The following DNASE1 variants were observed in gnomAD, a reference collection of about 807,000 sequenced individuals.
DNASE1 encodes the protein deoxyribonuclease-1.
In DNASE1, 40 loss-of-function variants were observed where a neutral mutation model predicts 33.9. The observed-to-expected ratio is 1.18, with a 90% CI of 0.92 to 1.54. DNASE1 has a LOEUF of 1.54. Among genes scored for constraint, DNASE1 ranks in the 40% most tolerant of loss-of-function variants. The probability of loss-of-function intolerance (pLI) is 0.00; values close to 1 mark genes in which losing one functional copy is unlikely to be tolerated. For missense variants in DNASE1, 518 were observed against 372.6 expected, an observed-to-expected ratio of 1.39 and a Z score of -3.21; for synonymous variants, 216 against 160.0, an observed-to-expected ratio of 1.35 and a Z score of -2.64.
intron 1 of DNASE1, among the ~76,000 whole-genome samples, chr16:3,630,718 C>A (rs561174056): frequency 2.0e-5 from 3 of 151,648 alleles, no homozygotes; most frequent in Non-Finnish European, 4.4e-5. Flanking sequence ...CTAGTTGTGT[C>A]TTTGGATCTA....
chr16:3,658,622 A>G (rs2042866414), downstream of DNASE1: 1 of 651,902 alleles, frequency 1.5e-6, no homozygotes. Context: ...GTAGTGAGCC[A>G]AGATCGCGCC....
chr16:3,657,861 A>C, intron 8 of DNASE1, 45 bp downstream of exon 8: 1 of 1,613,946 alleles, frequency 6.2e-7, no homozygotes, highest in East Asian at 2.2e-5. Context: ...GGGACACAGG[A>C]GCTCAGGTAG....
chr16:3,658,726 C>A, downstream of DNASE1: 1 of 1,475,996 alleles, frequency 6.8e-7, no homozygotes, highest in Non-Finnish European at 9.4e-7. Flanking sequence ...CGCTGTTCCA[C>A]CCTGAAGGCA....
chr16:3,617,864 C>G (rs2041165443), intron 1 of DNASE1, among the ~76,000 whole-genome samples: 1 of 151,308 alleles, frequency 6.6e-6, no homozygotes. Context: ...GGGCCTTCAC[C>G]AGACAGAGTC....
At chr16:3,658,399 C>T (rs1365560635), downstream of DNASE1, 5 of 635,660 alleles carry the variant, frequency 7.9e-6, no homozygotes, top group East Asian at 2.8e-5. Context: ...GGATTACAGG[C>T]GTGAGCCACC....
downstream of DNASE1, chr16:3,659,033 G>A: frequency 1.5e-6 from 1 of 662,698 alleles, no homozygotes; most frequent in Non-Finnish European, 2.5e-6. Flanking sequence ...TATATACCCA[G>A]AAAACCCAAG....
intron 1 of DNASE1, among the ~76,000 whole-genome samples, chr16:3,621,178 T>G (rs914582348): frequency 6.6e-6 from 1 of 152,080 alleles, no homozygotes; most frequent in East Asian, 1.9e-4. Flanking sequence ...CTCGAACTCT[T>G]GGGCTCAGAC....
rs1043499863 is a variant in DNASE1, at chr16:3,633,539, T to C, written c.-1358-7176T>C. Among the ~76,000 whole-genome samples, 3 of 147,390 alleles carry C rather than the reference T, an allele frequency of 2.0e-5. No individual in the cohort carries two copies. In the East Asian group the frequency reaches 6.0e-4, roughly 30 times the overall value. ...AGGAGAATGGCTTGAACCCGAGAGG[T>C]GGAGGTTGCAGTGAGCCGAGATGGC... is the stretch of plus-strand genomic sequence containing the variant. On this transcript the variant is annotated intron_variant and NMD_transcript_variant, in intron 1 of 11. Transcript: ENST00000570769.
chr16:3,649,385 G>A (rs1409257507), intron 1 of DNASE1, among the ~76,000 whole-genome samples: 2 of 152,194 alleles, frequency 1.3e-5, no homozygotes, highest in Non-Finnish European at 2.9e-5. Flanking sequence ...AACAAGTTGA[G>A]TTCCTAGCAT....
chr16:3,657,641 CTTAGT>C (rs2042770586), intron 7 of DNASE1, 74 bp from the exon 8 acceptor site: 9 of 1,578,630 alleles, frequency 5.7e-6, no homozygotes, highest in African/African-American at 1.4e-5. Context: ...TCCCAGGGCT[CTTAGT>C]TTAGTTCCTG....
intron 7 of DNASE1, 96 bp downstream of exon 7, chr16:3,657,437 A>G (rs1014494640): frequency 2.0e-6 from 3 of 1,487,044 alleles, no homozygotes; most frequent in Non-Finnish European, 2.7e-6. Context: ...GCCTTTGAAC[A>G]CTCACCCAAC....
chr16:3,662,569 T>TA, downstream of DNASE1: 1 of 589,630 alleles, frequency 1.7e-6, no homozygotes, highest in South Asian at 1.6e-5. Flanking sequence ...TCCTGAGGGC[T>TA]GGGGTAGCAT....
Position 3,656,658 on chromosome 16 carries a change from T to G in DNASE1, c.341T>G (p.Val114Gly). Reference sequence around the variant, plus strand: ...CGCAGGCCTGACCAGGTGTCTGCGGTGGACAGCTACTACTACGATGATGGC... The same window carrying G: ...CGCAGGCCTGACCAGGTGTCTGCGGGGGACAGCTACTACTACGATGATGGC... Reference protein sequence around the residue: ...FVYRPDQVSAVDSYYYDDGCE... With the variant: ...FVYRPDQVSAGDSYYYDDGCE... Residue 114 changes from valine (V) to glycine (G), a missense_variant, in exon 5 of 9, where the codon GTG (valine) becomes GGG (glycine). Transcript: ENST00000246949. The G allele has an allele frequency of 6.2e-7, 1 of 1,612,592 alleles. No individual in the cohort carries two copies. The highest frequency in any genetic ancestry group is 8.5e-7 in the Non-Finnish European group (1 of 1,179,378).
At chr16:3,627,005 G>A (rs1457846517) in intron 1 of DNASE1, among the ~76,000 whole-genome samples, 1 of 151,774 alleles carries the variant, frequency 6.6e-6, no homozygotes, top group Non-Finnish European at 1.5e-5. Context: ...CTGAGGAGCT[G>A]GGACCACAGG....
In DNASE1 at chr16:3,626,302, C is replaced by T. The variant is rs192818474; in HGVS notation, c.-1359+14296C>T. On this transcript the variant is annotated intron_variant and NMD_transcript_variant, in intron 1 of 11. Transcript: ENST00000570769. ...GTCAAAGAAAATGCAAATTAAACCACAGTGAGTGATCACTAAACTCAGCAG... is the reference window on the plus strand; with the variant it reads ...GTCAAAGAAAATGCAAATTAAACCATAGTGAGTGATCACTAAACTCAGCAG... Among the ~76,000 whole-genome samples the T allele has an allele frequency of 6.6e-5, 10 of 151,964 alleles. 1 individual carries two copies. Among genetic ancestry groups the T allele is most frequent in the Admixed American group, 4.6e-4 (7 of 15,264 alleles).
intron 1 of DNASE1, among the ~76,000 whole-genome samples, chr16:3,625,144 T>TA: frequency 4.6e-5 from 7 of 152,136 alleles, no homozygotes; most frequent in Admixed American, 4.6e-4. Context: ...CCGTCTCTAC[T>TA]AAAATACAAA....
At chr16:3,633,896 G>T (rs114367550) in intron 1 of DNASE1, among the ~76,000 whole-genome samples, 8,820 of 151,504 alleles carry the variant, frequency 0.058, 293 homozygotes, top group Admixed American at 0.074. Flanking sequence ...GCAAGCTCTG[G>T]ATTCCGGATT....
intron 1 of DNASE1, among the ~76,000 whole-genome samples, chr16:3,636,244 T>C (rs905415342): frequency 1.7e-5 from 2 of 121,048 alleles, no homozygotes; most frequent in East Asian, 4.6e-4. Context: ...TCTTCACTTT[T>C]CTTAGTTTTT....
Position 3,656,961 on chromosome 16 carries a change from C to G in DNASE1, c.437-38C>G, listed in dbSNP as rs1429077906. On this transcript the variant is annotated intron_variant, in intron 5 of 8. Coordinates refer to ENST00000246949, the MANE Select transcript of DNASE1 (RefSeq NM_005223.4). ...CTGACATGGTGACTGAACCTGCCCC[C>G]AGGGAGTGTGCCTCACACGACGTGG... 2.5e-6 allele frequency: 4 copies of G among 1,605,772 alleles called. No individual in the cohort carries two copies. The Admixed American group carries it at 6.8e-5, about 27-fold the overall frequency.
Sources: gnomAD v4.1 joint callset for allele counts (sites outside exome capture counted in the v4.1 genomes callset) on GRCh38, gnomAD v4.1.1 for gene constraint, MANE v1.5 for transcripts, NCBI Gene and HGNC (gene_info 2026-07-23, HGNC 2026-07-21) for gene names.